ADAMTSL1: variants seen among roughly 807,000 people sequenced by gnomAD.
ADAMTSL1 encodes the protein ADAMTS like 1, also known as ADAMTS-like protein 1.
ADAMTSL1 carries 126 observed loss-of-function variants against 201.8 expected under a neutral mutation model. The observed-to-expected ratio is 0.62, with a 90% CI of 0.54 to 0.72. ADAMTSL1 has a LOEUF of 0.72. Ranked by LOEUF, ADAMTSL1 falls within the 30% of genes least tolerant of loss-of-function variation. The probability of loss-of-function intolerance (pLI) is 0.00; values close to 1 mark genes in which losing one functional copy is unlikely to be tolerated. For missense variants in ADAMTSL1, 2,679 were observed against 2,277.8 expected (o/e 1.18, Z -3.59); for synonymous variants, 1,121 against 903.4 (o/e 1.24, Z -4.32).
At chr9:18,012,950 C>A (rs1820112342) in intron 1 of ADAMTSL1, among the ~76,000 whole-genome samples, 1 of 151,764 alleles carries the variant, frequency 6.6e-6, no homozygotes, top group Non-Finnish European at 1.5e-5. Flanking sequence ...AGATAGTTCT[C>A]TTTATTTTGG....
intron 3 of ADAMTSL1, among the ~76,000 whole-genome samples, chr9:18,538,749 G>T (rs1006565914): frequency 1.3e-5 from 2 of 152,142 alleles, no homozygotes; most frequent in Non-Finnish European, 2.9e-5. Flanking sequence ...TATTAACAGT[G>T]GGCGTAAGGT....
At chr9:17,984,648 G>A (rs914890442) in intron 1 of ADAMTSL1, among the ~76,000 whole-genome samples, 16 of 152,062 alleles carry the variant, frequency 1.1e-4, no homozygotes, top group Non-Finnish European at 1.9e-4. Context: ...TCCTTAGTCC[G>A]AGTTGTAAGT....
At chr9:18,634,504 A>C (rs971155844) in intron 5 of ADAMTSL1, among the ~76,000 whole-genome samples, 2 of 152,092 alleles carry the variant, frequency 1.3e-5, no homozygotes, top group Non-Finnish European at 2.9e-5. Flanking sequence ...CTAAGGCTGC[A>C]GTGAGCTGTG....
chr9:18,516,776 C>G (rs1818385668), intron 2 of ADAMTSL1, among the ~76,000 whole-genome samples: 1 of 152,202 alleles, frequency 6.6e-6, no homozygotes, highest in South Asian at 2.1e-4. Context: ...TGCCCTTCAA[C>G]TCTGAAATGT....
chr9:18,879,009 C>T (rs1394759380), intron 23 of ADAMTSL1, among the ~76,000 whole-genome samples: 1 of 152,188 alleles, frequency 6.6e-6, no homozygotes, highest in Non-Finnish European at 1.5e-5. Flanking sequence ...GAACCAGCTG[C>T]ACTGCCAGGT....
At chr9:18,164,033 C>G (rs1031512050) in intron 2 of ADAMTSL1, 3 of 151,968 alleles carry the variant, frequency 2.0e-5, no homozygotes, top group Non-Finnish European at 2.9e-5. Context: ...GGTTCAATGG[C>G]TGATTCTGAC....
chr9:17,986,373 G>T (rs888111928), intron 1 of ADAMTSL1, among the ~76,000 whole-genome samples: 1 of 151,954 alleles, frequency 6.6e-6, no homozygotes, highest in African/African-American at 2.4e-5. Context: ...TTGTCCACAT[G>T]GCAGAAGTCC....
intron 2 of ADAMTSL1, among the ~76,000 whole-genome samples, chr9:18,442,786 G>C (rs941734703): frequency 6.6e-6 from 1 of 152,200 alleles, no homozygotes; most frequent in African/African-American, 2.4e-5. Flanking sequence ...GTCATGCATA[G>C]ACTGGGTGGT....
intron 1 of ADAMTSL1, among the ~76,000 whole-genome samples, chr9:18,478,694 C>A (rs1344752310): frequency 1.3e-5 from 2 of 151,994 alleles, no homozygotes; most frequent in African/African-American, 4.8e-5. Context: ...GTAGAGTGAC[C>A]CAGAAGTGAC....
At chr9:18,458,510 G>C (rs886444734) in intron 2 of ADAMTSL1, among the ~76,000 whole-genome samples, 1 of 152,146 alleles carries the variant, frequency 6.6e-6, no homozygotes, top group African/African-American at 2.4e-5. Flanking sequence ...TACCCAGTTT[G>C]CCCTAACCTT....
rs144648524 is a variant in ADAMTSL1 at position 18,899,219 on chromosome 9, A to G, written c.4852-6563A>G. Among the ~76,000 whole-genome samples the G allele has an allele frequency of 3.7e-3, 568 of 152,266 alleles. 8 individuals carry two copies. The highest frequency in any genetic ancestry group is 0.013 in the African/African-American group (535 of 41,538). On this transcript the variant is annotated intron_variant, in intron 26 of 28. Coordinates refer to ENST00000380548, the MANE Select transcript of ADAMTSL1 (RefSeq NM_001040272.6). ...ACAATTGCTACAAAAAGAATAAAAT[A>G]CCTAGGAATACAGCAAACAAGGGAA...
chr9:18,033,808 T>G (rs1275685165), intron 1 of ADAMTSL1, among the ~76,000 whole-genome samples: 3 of 152,248 alleles, frequency 2.0e-5, no homozygotes, highest in Non-Finnish European at 4.4e-5. Flanking sequence ...CTGAATTATT[T>G]TGAGGGGAGA....
chr9:18,426,980 T>G (rs561526393), intron 2 of ADAMTSL1, among the ~76,000 whole-genome samples: 2 of 152,336 alleles, frequency 1.3e-5, no homozygotes, highest in Non-Finnish European at 2.9e-5. Flanking sequence ...CGAAACATTT[T>G]TATCATTTTC....
intron 1 of ADAMTSL1, among the ~76,000 whole-genome samples, chr9:17,934,038 C>G (rs889657807): frequency 6.6e-6 from 1 of 152,134 alleles, no homozygotes. Context: ...ACAAATGGCT[C>G]TCACTGCAGT....
intron 2 of ADAMTSL1, among the ~76,000 whole-genome samples, chr9:18,341,929 T>G (rs1287824201): frequency 6.6e-6 from 1 of 152,144 alleles, no homozygotes; most frequent in Non-Finnish European, 1.5e-5. Context: ...TTAAGGTAAA[T>G]GTATGCTTGG....
chr9:18,604,513 T>A (rs1188088720), intron 4 of ADAMTSL1, among the ~76,000 whole-genome samples: 1 of 152,214 alleles, frequency 6.6e-6, no homozygotes, highest in Non-Finnish European at 1.5e-5. Flanking sequence ...AATCATATAA[T>A]ATTTGTCCTT....
At chr9:18,255,097 C>T (rs984442791) in intron 2 of ADAMTSL1, among the ~76,000 whole-genome samples, 4 of 152,130 alleles carry the variant, frequency 2.6e-5, no homozygotes, top group African/African-American at 9.7e-5. Context: ...CATTTTTCCT[C>T]CTAATAAACT....
At chr9:18,750,631 C>G (rs1564202478) in intron 15 of ADAMTSL1, among the ~76,000 whole-genome samples, 1 of 152,082 alleles carries the variant, frequency 6.6e-6, no homozygotes, top group Non-Finnish European at 1.5e-5. Flanking sequence ...GAGGTATATA[C>G]TTGTATTTGG....
intron 23 of ADAMTSL1, among the ~76,000 whole-genome samples, chr9:18,885,284 C>G (rs1435495862): frequency 6.6e-6 from 1 of 152,158 alleles, no homozygotes; most frequent in African/African-American, 2.4e-5. Flanking sequence ...TTTATAATGG[C>G]ATTAATCCAA....
Sources: gnomAD v4.1 joint callset for allele counts (sites outside exome capture counted in the v4.1 genomes callset) on GRCh38, gnomAD v4.1.1 for gene constraint, MANE v1.5 for transcripts, NCBI Gene and HGNC (gene_info 2026-07-23, HGNC 2026-07-21) for gene names.